The following PKP4 variants were observed in gnomAD, a reference collection of about 807,000 sequenced individuals.
PKP4 encodes the protein plakophilin 4.
A neutral mutation model predicts 145.1 loss-of-function variants in PKP4; 90 were observed. The observed-to-expected ratio is 0.62, with a 90% CI of 0.52 to 0.74. PKP4 has a LOEUF of 0.74. PKP4 is among the 30% of genes least tolerant of loss of function. The pLI is 0.00. For synonymous variants in PKP4, 563 were observed against 577.2 expected, an observed-to-expected ratio of 0.98 and a Z score of 0.35; for missense variants, 1,340 against 1,482.7, an observed-to-expected ratio of 0.90 and a Z score of 1.58.
intron 3 of PKP4, among the ~76,000 whole-genome samples, chr2:158,579,237 T>C (rs2048121851): frequency 1.3e-5 from 2 of 152,230 alleles, no homozygotes; most frequent in Non-Finnish European, 2.9e-5. Flanking sequence ...GAATAGGACT[T>C]GTCAGTGCCC....
chr2:158,582,648 C>G (rs2048428766), intron 3 of PKP4, among the ~76,000 whole-genome samples: 1 of 152,174 alleles, frequency 6.6e-6, no homozygotes, highest in South Asian at 2.1e-4. Flanking sequence ...AGTGGTTTCT[C>G]CCGTGTGTCC....
At chr2:158,577,855 G>A (rs2047990331) in intron 3 of PKP4, among the ~76,000 whole-genome samples, 1 of 152,000 alleles carries the variant, frequency 6.6e-6, no homozygotes, top group Non-Finnish European at 1.5e-5. Context: ...ATAATTTACT[G>A]TACTCACATA....
intron 1 of PKP4, among the ~76,000 whole-genome samples, chr2:158,475,922 TTTCTC>T (rs757595104): frequency 2.6e-5 from 4 of 152,332 alleles, no homozygotes; most frequent in South Asian, 4.1e-4. Flanking sequence ...TTAGAATAGT[TTTCTC>T]TAATAGGGAC....
intron 1 of PKP4, among the ~76,000 whole-genome samples, chr2:158,498,178 G>A (rs1696021558): frequency 6.6e-6 from 1 of 151,974 alleles, no homozygotes; most frequent in Non-Finnish European, 1.5e-5. Flanking sequence ...ATTTTTTTGA[G>A]ATGGGGTCTT....
intron 9 of PKP4, among the ~76,000 whole-genome samples, chr2:158,635,572 G>T (rs1168472289): frequency 6.6e-6 from 1 of 152,078 alleles, no homozygotes; most frequent in Non-Finnish European, 1.5e-5. Context: ...ACCTAGAAAG[G>T]CAGTGAAATG....
At chr2:158,561,125 A>G (rs1379465325) in intron 2 of PKP4, among the ~76,000 whole-genome samples, 1 of 152,242 alleles carries the variant, frequency 6.6e-6, no homozygotes, top group African/African-American at 2.4e-5. Flanking sequence ...ATCAAATTTC[A>G]GTTTCCATAT....
At chr2:158,468,935 C>A (rs937881226) in intron 1 of PKP4, among the ~76,000 whole-genome samples, 1 of 151,644 alleles carries the variant, frequency 6.6e-6, no homozygotes, top group Admixed American at 6.6e-5. Context: ...CTACCATGCC[C>A]GACTAATTTT....
chr2:158,666,596 T>G (rs1370588449), intron 16 of PKP4, 33 bp downstream of exon 16: 4 of 1,549,470 alleles, frequency 2.6e-6, no homozygotes, highest in Non-Finnish European at 3.5e-6. Context: ...GCTGTAAATG[T>G]GAGAGCAGCT....
At chr2:158,617,043 G>A (rs1186479953) in intron 4 of PKP4, among the ~76,000 whole-genome samples, 1 of 152,202 alleles carries the variant, frequency 6.6e-6, no homozygotes, top group East Asian at 1.9e-4. Flanking sequence ...TAGCCCTACA[G>A]CGTTATTGTC....
intron 11 of PKP4, among the ~76,000 whole-genome samples, chr2:158,649,213 A>G (rs1391491136): frequency 6.6e-6 from 1 of 152,192 alleles, no homozygotes; most frequent in Non-Finnish European, 1.5e-5. Context: ...ATTACAGATT[A>G]GAAACCGAAG....
rs1296187245 is a variant in PKP4 at position 158,669,621 on chromosome 2, G to T, written c.2729-99G>T. The T allele has an allele frequency of 1.1e-5, 10 of 951,364 alleles. No individual in the cohort carries two copies. In the Admixed American group the frequency reaches 1.1e-4, roughly 11 times the overall value. 58.9% of individuals were successfully genotyped at this position (951,364 alleles called of 1,614,324 possible). On this transcript the variant is annotated intron_variant, in intron 16 of 21. Transcript: ENST00000389759. ...TTCCCCTATTATTGTCTCTTTGGGG[G>T]TTTTATTTTTAAGAGATTGCATGCC...
Position 158,524,285 on chromosome 2 carries a change from C to T in PKP4, c.-5-8895C>T, listed in dbSNP as rs1174944270. ...CCCATCAGACTAACAGCAGATCTCT[C>T]GGCAGAAACCCTACAAGCCAGAAGA... On this transcript the variant is annotated intron_variant, in intron 1 of 21. Transcript: ENST00000389759. Among the ~76,000 whole-genome samples the T allele has an allele frequency of 1.9e-3, 212 of 113,892 alleles. 6 individuals carry two copies. The East Asian group carries it at 0.036, about 19-fold the overall frequency. 74.7% of individuals were successfully genotyped at this position (113,892 alleles called of 152,430 possible). A position where few individuals can be genotyped will look rare whatever the true frequency, so the allele number is the denominator to read the frequency against.
chr2:158,518,934 A>G (rs928934451), intron 1 of PKP4, among the ~76,000 whole-genome samples: 3 of 152,178 alleles, frequency 2.0e-5, no homozygotes, highest in African/African-American at 4.8e-5. Context: ...AGAAATTTCA[A>G]TGGCTTGGTC....
rs1198239105 is a variant in PKP4 at position 158,603,054 on chromosome 2, CT to C, written c.246-13del. Reference sequence around the variant, plus strand: ...AAATAAATAAATGTTCCATTTTTTTCTTTCTTTTTCTTTAGCTCAACTGAGA... The same window carrying C: ...AAATAAATAAATGTTCCATTTTTTTCTTCTTTTTCTTTAGCTCAACTGAGA... On this transcript the variant is annotated splice_polypyrimidine_tract_variant and intron_variant, in intron 3 of 21. Coordinates refer to ENST00000389759, the MANE Select transcript of PKP4 (RefSeq NM_003628.6). 3 of 1,452,934 alleles carry C rather than the reference CT, an allele frequency of 2.1e-6. No homozygotes were observed. The highest frequency in any genetic ancestry group is 2.8e-6 in the Non-Finnish European group (3 of 1,070,958). The allele number at this position is 1,452,934 out of a possible 1,614,324, so 90.0% of individuals were successfully genotyped here. A position where few individuals can be genotyped will look rare whatever the true frequency, so the allele number is the denominator to read the frequency against.
chr2:158,554,912 G>T (rs1270703135), intron 2 of PKP4, among the ~76,000 whole-genome samples: 1 of 152,072 alleles, frequency 6.6e-6, no homozygotes. Flanking sequence ...AGAACAGCAG[G>T]GGTCCACTAC....
chr2:158,596,636 A>AAAAAG (rs539986796), intron 3 of PKP4, among the ~76,000 whole-genome samples: 3 of 151,856 alleles, frequency 2.0e-5, no homozygotes, highest in Admixed American at 6.6e-5. Context: ...TTAAAAAAAA[A>AAAAAG]AAAAGAAAAG....
chr2:158,520,115 G>C (rs1370919040), intron 1 of PKP4, among the ~76,000 whole-genome samples: 2 of 152,138 alleles, frequency 1.3e-5, no homozygotes, highest in Admixed American at 1.3e-4. Context: ...TATCAAGATA[G>C]AATTTCCAGT....
intron 2 of PKP4, among the ~76,000 whole-genome samples, chr2:158,554,338 G>A (rs1193366117): frequency 6.6e-6 from 1 of 151,848 alleles, no homozygotes; most frequent in African/African-American, 2.4e-5. Flanking sequence ...TTCTCATCTT[G>A]CATTTCCTTT....
chr2:158,568,925 A>G (rs1018311266), intron 2 of PKP4, among the ~76,000 whole-genome samples: 43 of 152,236 alleles, frequency 2.8e-4, no homozygotes, highest in African/African-American at 9.6e-4. Flanking sequence ...GTGAGCCAAG[A>G]TCATGCCACT....
Sources: allele counts gnomAD v4.1 joint callset (sites outside exome capture counted in the v4.1 genomes callset), GRCh38; gene constraint gnomAD v4.1.1; transcripts MANE v1.5; gene names NCBI Gene and HGNC (gene_info 2026-07-23, HGNC 2026-07-21).